OTUD7B: variants seen among roughly 807,000 people sequenced by gnomAD.
The protein encoded by OTUD7B is OTU domain-containing protein 7B.
OTUD7B carries 34 observed loss-of-function variants against 82.2 expected under a neutral mutation model. The ratio of observed to expected loss-of-function variants is 0.41; its 90% CI spans 0.31 to 0.55. The LOEUF (loss-of-function observed/expected upper bound fraction) is 0.55. OTUD7B is among the 20% of genes least tolerant of loss of function. OTUD7B has a pLI of 0.20. For synonymous variants in OTUD7B, 398 were observed against 402.7 expected (o/e 0.99, Z 0.14); for missense variants, 944 against 1,062.1 (o/e 0.89, Z 1.55).
the OTUD7B span, among the ~76,000 whole-genome samples, chr1:150,026,016 G>A: frequency 6.6e-6 from 1 of 152,206 alleles, no homozygotes; most frequent in Non-Finnish European, 1.5e-5. Flanking sequence ...CAGGACAAGT[G>A]ACTACCAATA....
At chr1:149,946,706 C>T (rs1647771993) in intron 11 of OTUD7B, among the ~76,000 whole-genome samples, 1 of 124,738 alleles carries the variant, frequency 8.0e-6, no homozygotes, top group South Asian at 2.8e-4. Flanking sequence ...TGTGCCACTG[C>T]ATTTCAGCCT....
chr1:150,021,357 C>A, the OTUD7B span, among the ~76,000 whole-genome samples: 1 of 152,132 alleles, frequency 6.6e-6, no homozygotes, highest in Admixed American at 6.5e-5. Flanking sequence ...TCACACACAG[C>A]AGCTGGGAGG....
the OTUD7B span, among the ~76,000 whole-genome samples, chr1:150,037,230 A>G: frequency 7.5e-6 from 1 of 132,650 alleles, no homozygotes; most frequent in Non-Finnish European, 1.6e-5. Context: ...AATGTTCAAG[A>G]AGCCGCACAA....
chr1:150,036,826 A>G, the OTUD7B span, among the ~76,000 whole-genome samples: 3 of 152,220 alleles, frequency 2.0e-5, no homozygotes, highest in African/African-American at 7.2e-5. Context: ...TTGTTCCACA[A>G]CAGCTTAATA....
intron 2 of OTUD7B, among the ~76,000 whole-genome samples, chr1:149,974,306 A>G (rs1349020569): frequency 7.9e-5 from 12 of 152,136 alleles, no homozygotes; most frequent in African/African-American, 2.9e-4. Flanking sequence ...ATAGTCTGCA[A>G]CATCATCATC....
At chr1:149,984,484 T>A (rs1651000588) in intron 1 of OTUD7B, among the ~76,000 whole-genome samples, 1 of 152,214 alleles carries the variant, frequency 6.6e-6, no homozygotes, top group Non-Finnish European at 1.5e-5. Flanking sequence ...TGGCCCTGTG[T>A]CTTGGTCGTC....
At chr1:149,959,556 T>G (rs1485983013) in intron 7 of OTUD7B, 128 bp downstream of exon 7, 3 of 655,204 alleles carry the variant, frequency 4.6e-6, no homozygotes, top group Non-Finnish European at 8.3e-6. Context: ...CACACTTTTG[T>G]GCCCTTAGCA....
chr1:150,042,101 CA>C, the OTUD7B span, among the ~76,000 whole-genome samples: 1 of 119,434 alleles, frequency 8.4e-6, no homozygotes, highest in South Asian at 2.7e-4. Flanking sequence ...TGCAGAGGTG[CA>C]GACCCTCCCT....
At chr1:150,049,926 A>C in the OTUD7B span, among the ~76,000 whole-genome samples, 1 of 152,254 alleles carries the variant, frequency 6.6e-6, no homozygotes, top group East Asian at 1.9e-4. Flanking sequence ...TATGTTGTAC[A>C]TGAGGCCAGG....
In OTUD7B at chr1:149,943,855, G is replaced by A. The variant is rs3754041; in HGVS notation, c.*2C>T. 15,374 of 1,613,774 alleles carry A rather than the reference G, an allele frequency of 9.5e-3. 1,154 individuals carry two copies. The Admixed American group carries it at 0.15, about 15-fold the overall frequency. ...CTCCTTGCCCTTCAGTGTTCCACCC[G>A]TTCAGAACCTGTGCACCAGGAGCTC... is the stretch of plus-strand genomic sequence containing the variant. On this transcript the variant is annotated 3_prime_UTR_variant, in exon 12 of 12. Transcript: ENST00000581312.
chr1:150,008,934 T>C (rs142760847), intron 1 of OTUD7B, among the ~76,000 whole-genome samples: 1 of 152,238 alleles, frequency 6.6e-6, no homozygotes, highest in East Asian at 1.9e-4. Context: ...GCTGGGTCAA[T>C]AGTGGAAATT....
At position 149,939,661 on chromosome 1, in the gene OTUD7B, G is replaced by A. The variant is rs2092748728; in HGVS notation, c.*4196C>T. On this transcript the variant is annotated 3_prime_UTR_variant, in exon 12 of 12. Coordinates refer to ENST00000581312, the MANE Select transcript of OTUD7B (RefSeq NM_020205.4). ...GGAAGACACAGAGGCCAGTCGCGGT[G>A]GCTCATGCCTGTAATCCCAGCACTT... 1 of 152,416 alleles carries A rather than the reference G, an allele frequency of 6.6e-6. No individual in the cohort carries two copies. The highest frequency in any genetic ancestry group is 2.4e-5 in the African/African-American group (1 of 41,442). 9.4% of individuals were successfully genotyped at this position (152,416 alleles called of 1,614,324 possible). A position where few individuals can be genotyped will look rare whatever the true frequency, so the allele number is the denominator to read the frequency against.
the OTUD7B span, chr1:150,054,918 A>C: frequency 8.3e-5 from 23 of 276,184 alleles, no homozygotes; most frequent in Non-Finnish European, 1.6e-4. Flanking sequence ...AGATTGATCA[A>C]AAAGCTGTGG....
At chr1:150,054,290 A>T in the OTUD7B span, 1 of 479,684 alleles carries the variant, frequency 2.1e-6, no homozygotes, top group Non-Finnish European at 4.1e-6. Flanking sequence ...GTGAGCCAGG[A>T]TCACTCCCAA....
the OTUD7B span, among the ~76,000 whole-genome samples, chr1:150,020,356 T>G: frequency 1.3e-5 from 2 of 152,096 alleles, no homozygotes; most frequent in Non-Finnish European, 2.9e-5. Flanking sequence ...AATAACATGG[T>G]GAAACCCTGT....
the OTUD7B span, among the ~76,000 whole-genome samples, chr1:150,035,957 G>GGT: frequency 1.5e-5 from 2 of 134,268 alleles, no homozygotes; most frequent in African/African-American, 2.8e-5. Flanking sequence ...CATTGTAACT[G>GGT]TTTTTTTTTT....
At chr1:149,970,204 T>G (rs587686017) in intron 3 of OTUD7B, among the ~76,000 whole-genome samples, 2 of 104,886 alleles carry the variant, frequency 1.9e-5, no homozygotes, top group Non-Finnish European at 3.9e-5. Flanking sequence ...CCAAGTCAGA[T>G]GGATTGCCTC....
chr1:149,972,285 C>T (rs587672995), intron 2 of OTUD7B, among the ~76,000 whole-genome samples: 9 of 152,316 alleles, frequency 5.9e-5, no homozygotes, highest in Non-Finnish European at 1.2e-4. Context: ...TAAATCATTA[C>T]TGATGATTTT....
rs1366037508 is a variant in OTUD7B at position 149,943,584 on chromosome 1, A to T, written c.*273T>A. On this transcript the variant is annotated 3_prime_UTR_variant, in exon 12 of 12. Coordinates refer to ENST00000581312, the MANE Select transcript of OTUD7B (RefSeq NM_020205.4). ...GTCCCTGGATGGGACCCAGGAGGTT[A>T]TAAGACAGAATCGCCATCTTTTCCC... 2.3e-6 allele frequency: 1 copy of T among 426,238 alleles called. No homozygotes were observed. The highest frequency in any genetic ancestry group is 3.9e-5 in the Admixed American group (1 of 25,668). The allele number at this position is 426,238 out of a possible 1,614,324, so 26.4% of individuals were successfully genotyped here.
Sources: allele counts gnomAD v4.1 joint callset (sites outside exome capture counted in the v4.1 genomes callset), GRCh38; gene constraint gnomAD v4.1.1; transcripts MANE v1.5; gene names NCBI Gene and HGNC (gene_info 2026-07-23, HGNC 2026-07-21).